ATXN2: variants seen among roughly 807,000 people sequenced by gnomAD.
The protein encoded by ATXN2 is ataxin 2, also known as ataxin-2.
In ATXN2, 37 loss-of-function variants were observed where a neutral mutation model predicts 138.6. That is an observed-to-expected ratio of 0.27 (90% CI 0.21 to 0.35). The LOEUF (loss-of-function observed/expected upper bound fraction) is 0.35. ATXN2 is among the 10% of genes least tolerant of loss of function. The pLI, the probability that ATXN2 is intolerant of heterozygous loss-of-function variation, is 1.00. For missense variants in ATXN2, 1,216 were observed against 1,480.3 expected, an observed-to-expected ratio of 0.82 and a Z score of 2.93; for synonymous variants, 549 against 543.7, an observed-to-expected ratio of 1.01 and a Z score of -0.13.
Position 111,586,239 on chromosome 12 carries a change from CAG to C in ATXN2, c.251+12543_251+12544del, listed in dbSNP as rs967111331. Reference sequence around the variant, plus strand: ...CCAAACTTTTTTTTTTTTTTTGAGACAGAGTCTCACTCTGCTCTGTGGCCCAG... The same window carrying C: ...CCAAACTTTTTTTTTTTTTTTGAGACAGTCTCACTCTGCTCTGTGGCCCAG... On this transcript the variant is annotated intron_variant, in intron 1 of 24. Coordinates refer to ENST00000673436, the MANE Select transcript of ATXN2 (RefSeq NM_001372574.1). Among the ~76,000 whole-genome samples, 397 of 148,386 alleles carry C rather than the reference CAG, an allele frequency of 2.7e-3. 3 individuals carry two copies. The highest frequency in any genetic ancestry group is 9.4e-3 in the African/African-American group (377 of 40,258).
intron 5 of ATXN2, among the ~76,000 whole-genome samples, chr12:111,525,810 G>A (rs754458527): frequency 4.6e-5 from 7 of 151,290 alleles, no homozygotes; most frequent in Non-Finnish European, 7.4e-5. Context: ...TCAGTCTCCC[G>A]AGTAGCTGGG....
In ATXN2 at chr12:111,507,581, T is replaced by TG. The variant is rs539891341; in HGVS notation, c.1935+1967dup. ...CCAGCCAGCCGCCCCGTCCGGGAGGTGGGGGGCACCTCTGCCCGGCCGCCC... is the reference window on the plus strand; with the variant it reads ...CCAGCCAGCCGCCCCGTCCGGGAGGTGGGGGGGCACCTCTGCCCGGCCGCCC... On this transcript the variant is annotated intron_variant, in intron 14 of 24. Transcript: ENST00000673436. 4.1e-3 allele frequency among the ~76,000 whole-genome samples: 607 copies of TG among 149,424 alleles called. 5 individuals are homozygous for TG. The highest frequency in any genetic ancestry group is 6.1e-3 in the Non-Finnish European group (410 of 67,424).
At chr12:111,547,836 A>ATTTTTTTTTTT (rs34988312) in intron 5 of ATXN2, among the ~76,000 whole-genome samples, 6 of 100,216 alleles carry the variant, frequency 6.0e-5, no homozygotes, top group African/African-American at 9.8e-5. Context: ...TTGCTTGAGA[A>ATTTTTTTTTTT]TTTTTTTTTT....
intron 5 of ATXN2, among the ~76,000 whole-genome samples, chr12:111,526,727 G>C (rs1182432591): frequency 1.3e-5 from 2 of 152,124 alleles, no homozygotes; most frequent in African/African-American, 4.8e-5. Flanking sequence ...TTTGTTTAAT[G>C]GATGCACTAA....
intron 5 of ATXN2, among the ~76,000 whole-genome samples, chr12:111,529,073 G>A (rs1429733341): frequency 6.6e-6 from 1 of 151,872 alleles, no homozygotes; most frequent in African/African-American, 2.4e-5. Context: ...TCCCACCTCA[G>A]CCTCCCAAGT....
chr12:111,591,528 G>A (rs1213647777), intron 1 of ATXN2, among the ~76,000 whole-genome samples: 1 of 152,010 alleles, frequency 6.6e-6, no homozygotes, highest in Non-Finnish European at 1.5e-5. Context: ...ATGTTAGCCA[G>A]CTGGTGTACA....
intron 14 of ATXN2, among the ~76,000 whole-genome samples, chr12:111,506,628 C>G (rs902543728): frequency 2.7e-5 from 4 of 150,778 alleles, no homozygotes; most frequent in East Asian, 2.0e-4. Flanking sequence ...GTCCCTCTCC[C>G]TCTCCCCCCC....
chr12:111,546,224 A>C (rs1298171365), intron 5 of ATXN2, among the ~76,000 whole-genome samples: 1 of 152,242 alleles, frequency 6.6e-6, no homozygotes, highest in East Asian at 1.9e-4. Context: ...GACAGAGCAC[A>C]TTCTGTTACT....
At chr12:111,520,729 T>C (rs12310120) in intron 7 of ATXN2, among the ~76,000 whole-genome samples, 153 bp downstream of exon 7, 15,574 of 152,200 alleles carry the variant, frequency 0.1, 2,666 homozygotes, top group African/African-American at 0.35. Flanking sequence ...ATTCCCTTTT[T>C]TTAATGGAAA....
intron 18 of ATXN2, among the ~76,000 whole-genome samples, chr12:111,472,793 C>T (rs1321958737): frequency 6.6e-6 from 1 of 151,536 alleles, no homozygotes; most frequent in Non-Finnish European, 1.5e-5. Context: ...AGGCTGGTCT[C>T]GAACTCCAGA....
intron 14 of ATXN2, among the ~76,000 whole-genome samples, 194 bp from the exon 15 acceptor site, chr12:111,488,974 C>G (rs1176332706): frequency 2.0e-5 from 3 of 152,108 alleles, no homozygotes; most frequent in Non-Finnish European, 4.4e-5. Context: ...CCACAGTCAC[C>G]AAAGCACTCA....
Position 111,598,680 on chromosome 12 carries a change from C to T in ATXN2, c.251+104G>A. ...TCCCCCGCGCTGCCGGCCCCCAGCC[C>T]ACCCCGGGTAGCCCGGCGGGTCACG... On this transcript the variant is annotated intron_variant, in intron 1 of 24. Coordinates refer to ENST00000673436, the MANE Select transcript of ATXN2 (RefSeq NM_001372574.1). The surrounding 1 kb of genome is among the most constrained non-coding windows in gnomAD (Gnocchi z 4.5). The T allele has an allele frequency of 1.1e-6, 1 of 887,794 alleles. No individual in the cohort carries two copies. The highest frequency in any genetic ancestry group is 1.4e-6 in the Non-Finnish European group (1 of 729,032). The allele number at this position is 887,794 out of a possible 1,614,324, so 55.0% of individuals were successfully genotyped here.
intron 5 of ATXN2, among the ~76,000 whole-genome samples, chr12:111,548,367 C>T (rs1430915062): frequency 1.3e-5 from 2 of 152,144 alleles, no homozygotes; most frequent in African/African-American, 2.4e-5. Flanking sequence ...TCATCTATGA[C>T]GTGGATAATA....
rs145995899 is a variant in ATXN2 at position 111,566,592 on chromosome 12, G to A, written c.252-10673C>T. Among the ~76,000 whole-genome samples the A allele has an allele frequency of 2.4e-3, 365 of 151,498 alleles. 1 individual carries two copies. The highest frequency in any genetic ancestry group is 4.5e-3 in the Non-Finnish European group (308 of 67,918). On this transcript the variant is annotated intron_variant, in intron 1 of 24. Coordinates refer to ENST00000673436, the MANE Select transcript of ATXN2 (RefSeq NM_001372574.1). ...AATGCCATCCATGAGCATGGGAGGAGGTTAAAACATCAACATTAACAGGAG... is the reference window on the plus strand; with the variant it reads ...AATGCCATCCATGAGCATGGGAGGAAGTTAAAACATCAACATTAACAGGAG...
chr12:111,572,650 C>T (rs1279014082), intron 1 of ATXN2, among the ~76,000 whole-genome samples: 1 of 152,036 alleles, frequency 6.6e-6, no homozygotes, highest in Non-Finnish European at 1.5e-5. Flanking sequence ...ATTGTTTGGC[C>T]CAAATAAATA....
Position 111,552,828 on chromosome 12 carries a change from G to T in ATXN2, c.420+78C>A. On this transcript the variant is annotated intron_variant, in intron 4 of 24. Coordinates refer to ENST00000673436, the MANE Select transcript of ATXN2 (RefSeq NM_001372574.1). This position sits in a 1 kb window ranked among gnomAD's most constrained non-coding sequence, Gnocchi z 4.1. ...CTGAGAAGTAAAATCATTCAAAGTG[G>T]CTTTAAAAACTAGGTAAAACACTGA... 1.1e-6 allele frequency: 1 copy of T among 946,296 alleles called. No homozygotes were observed. The highest frequency in any genetic ancestry group is 1.6e-6 in the Non-Finnish European group (1 of 642,352). The allele number at this position is 946,296 out of a possible 1,614,324, so 58.6% of individuals were successfully genotyped here. A position where few individuals can be genotyped will look rare whatever the true frequency, so the allele number is the denominator to read the frequency against.
In ATXN2 at chr12:111,580,830, GAAGAGAAAGA is replaced by G. The variant is rs537807326; in HGVS notation, c.251+17944_251+17953del. Among the ~76,000 whole-genome samples, 64 of 151,996 alleles carry G rather than the reference GAAGAGAAAGA, an allele frequency of 4.2e-4. 2 individuals are homozygous for G. In the South Asian group the frequency reaches 0.012, roughly 28 times the overall value. On this transcript the variant is annotated intron_variant, in intron 1 of 24. Transcript: ENST00000673436. The stretch of plus-strand genomic sequence containing the variant: ...GAGGGGAAAAAAGGAGAGGAGGGAT[GAAGAGAAAGA>G]AAGGAAACGACAAAGAAAGGCCAGG...
Position 111,566,259 on chromosome 12 carries a change from C to G in ATXN2, c.252-10340G>C, listed in dbSNP as rs184699919. Among the ~76,000 whole-genome samples, 781 of 151,924 alleles carry G rather than the reference C, an allele frequency of 5.1e-3. 11 individuals are homozygous for G. Among genetic ancestry groups the G allele is most frequent in the African/African-American group, 0.018 (744 of 41,420 alleles). On this transcript the variant is annotated intron_variant, in intron 1 of 24. Coordinates refer to ENST00000673436, the MANE Select transcript of ATXN2 (RefSeq NM_001372574.1). Reference sequence around the variant, plus strand: ...ACCAGCCTGACCAACATGGAGAAACCCCGCCTCTACTAAAAATACAAAATT... The same window carrying G: ...ACCAGCCTGACCAACATGGAGAAACGCCGCCTCTACTAAAAATACAAAATT...
chr12:111,570,405 C>T (rs759217614), intron 1 of ATXN2, among the ~76,000 whole-genome samples: 8 of 152,166 alleles, frequency 5.3e-5, no homozygotes, highest in Non-Finnish European at 1.2e-4. Flanking sequence ...TTTCTAAATA[C>T]GTTGAAATTT....
Sources: gnomAD v4.1 joint callset for allele counts (sites outside exome capture counted in the v4.1 genomes callset) on GRCh38, gnomAD v4.1.1 for gene constraint, Gnocchi (gnomAD v3.1) non-coding constraint, MANE v1.5 for transcripts, NCBI Gene and HGNC (gene_info 2026-07-23, HGNC 2026-07-21) for gene names.